B3GALT1: variants seen among roughly 807,000 people sequenced by gnomAD.
B3GALT1 encodes the protein UDP-Gal:betaGlcNAc beta 1,3-galactosyltransferase, polypeptide 1.
In B3GALT1, 10 loss-of-function variants were observed where a neutral mutation model predicts 23.2. That is an observed-to-expected ratio of 0.43 (90% CI 0.27 to 0.73). The LOEUF is 0.73. Ranked by LOEUF, B3GALT1 falls within the 30% of genes least tolerant of loss-of-function variation. The pLI, the probability that B3GALT1 is intolerant of heterozygous loss-of-function variation, is 0.21. For synonymous variants in B3GALT1, 156 were observed against 141.5 expected, an observed-to-expected ratio of 1.10 and a Z score of -0.73; for missense variants, 299 against 405.4, an observed-to-expected ratio of 0.74 and a Z score of 2.25.
chr2:167,459,879 A>C (rs1383264114), intron 1 of B3GALT1, among the ~76,000 whole-genome samples: 1 of 152,100 alleles, frequency 6.6e-6, no homozygotes, highest in Non-Finnish European at 1.5e-5. Flanking sequence ...CTTGGTTGAC[A>C]GGGTGTTTTT....
intron 1 of B3GALT1, among the ~76,000 whole-genome samples, chr2:167,444,414 A>G (rs893387242): frequency 1.3e-5 from 2 of 151,898 alleles, no homozygotes; most frequent in Admixed American, 1.3e-4. Flanking sequence ...CTTTTTTTCT[A>G]TCGATTAGAA....
chr2:167,817,176 A>G (rs899255111), intron 3 of B3GALT1, among the ~76,000 whole-genome samples: 1 of 152,222 alleles, frequency 6.6e-6, no homozygotes, highest in African/African-American at 2.4e-5. Flanking sequence ...CACTGGCTCC[A>G]CTAATCCCAG....
chr2:167,839,387 GACAA>G (rs1293333466), intron 4 of B3GALT1, among the ~76,000 whole-genome samples: 3 of 152,278 alleles, frequency 2.0e-5, no homozygotes, highest in Admixed American at 6.5e-5. Context: ...ACCAATAACA[GACAA>G]ACAGAGAGCC....
intron 3 of B3GALT1, among the ~76,000 whole-genome samples, chr2:167,779,405 G>A (rs10497329): frequency 0.13 from 20,341 of 152,122 alleles, 2,129 homozygotes; most frequent in African/African-American, 0.27. Flanking sequence ...TTTTAAGGCC[G>A]ACAGATTTCT....
At chr2:167,672,267 T>C (rs968449954) in intron 3 of B3GALT1, among the ~76,000 whole-genome samples, 3 of 152,106 alleles carry the variant, frequency 2.0e-5, no homozygotes, top group African/African-American at 7.2e-5. Context: ...CTATGAACCA[T>C]GGTGCCAGCT....
chr2:167,728,494 C>A (rs1227138141), intron 3 of B3GALT1, among the ~76,000 whole-genome samples: 4 of 152,126 alleles, frequency 2.6e-5, no homozygotes, highest in Non-Finnish European at 4.4e-5. Context: ...TATGGCTATA[C>A]CATTACAAAT....
intron 3 of B3GALT1, among the ~76,000 whole-genome samples, chr2:167,776,364 C>G (rs1688162471): frequency 6.6e-6 from 1 of 152,194 alleles, no homozygotes. Flanking sequence ...AATTCAAAGA[C>G]TCCCTACCCA....
chr2:167,450,947 G>T (rs533303102), intron 1 of B3GALT1, among the ~76,000 whole-genome samples: 1 of 151,722 alleles, frequency 6.6e-6, no homozygotes, highest in Non-Finnish European at 1.5e-5. Flanking sequence ...CTTTGTCTTT[G>T]AGCTCTGAAG....
At position 167,616,876 on chromosome 2, in the gene B3GALT1, T is replaced by C. The variant is rs1435596676; in HGVS notation, c.-409-30033T>C. 4.6e-5 allele frequency among the ~76,000 whole-genome samples: 7 copies of C among 152,208 alleles called. No individual in the cohort carries two copies. In the East Asian group the frequency reaches 1.4e-3, roughly 29 times the overall value. ...AGCTACATTTTTCTTGATAGTACTT[T>C]GAATTGATTCAGATCTCCTCTATCT... is the stretch of plus-strand genomic sequence containing the variant. On this transcript the variant is annotated intron_variant, in intron 2 of 4. Coordinates refer to ENST00000392690, the MANE Select transcript of B3GALT1 (RefSeq NM_020981.4).
chr2:167,450,632 C>T (rs996297850), intron 1 of B3GALT1, among the ~76,000 whole-genome samples: 1 of 152,146 alleles, frequency 6.6e-6, no homozygotes, highest in Non-Finnish European at 1.5e-5. Flanking sequence ...AAGATTCTTT[C>T]CTTCATCTTG....
At chr2:167,559,823 G>A (rs1221752030) in intron 2 of B3GALT1, among the ~76,000 whole-genome samples, 3 of 152,156 alleles carry the variant, frequency 2.0e-5, no homozygotes, top group East Asian at 1.9e-4. Flanking sequence ...CCAAATCTAC[G>A]TCTGATTGGT....
chr2:167,343,043 G>A (rs777842117), intron 1 of B3GALT1, among the ~76,000 whole-genome samples: 4 of 152,170 alleles, frequency 2.6e-5, no homozygotes, highest in Admixed American at 6.6e-5. Context: ...ACTGAATTGA[G>A]TGTCTGTGAA....
intron 1 of B3GALT1, among the ~76,000 whole-genome samples, chr2:167,484,068 A>G (rs1187911618): frequency 1.3e-5 from 2 of 152,206 alleles, no homozygotes; most frequent in Non-Finnish European, 2.9e-5. Context: ...TCAGATATAA[A>G]CATAAGCAAC....
intron 3 of B3GALT1, among the ~76,000 whole-genome samples, chr2:167,806,966 G>C (rs778481420): frequency 2.9e-4 from 44 of 152,138 alleles, no homozygotes; most frequent in Non-Finnish European, 5.7e-4. Context: ...TGGTTAGTAA[G>C]CTATTAATTG....
chr2:167,307,252 C>T (rs1045553084), intron 1 of B3GALT1, among the ~76,000 whole-genome samples: 1 of 151,988 alleles, frequency 6.6e-6, no homozygotes. Flanking sequence ...TATGTTTCTT[C>T]ACTGTCTCTT....
chr2:167,623,933 TG>T (rs1685301221), intron 2 of B3GALT1, among the ~76,000 whole-genome samples: 1 of 152,026 alleles, frequency 6.6e-6, no homozygotes, highest in South Asian at 2.1e-4. Context: ...CACATGGCCA[TG>T]TTTAGTCATG....
intron 2 of B3GALT1, among the ~76,000 whole-genome samples, chr2:167,585,899 T>G (rs1048590418): frequency 3.3e-5 from 5 of 152,206 alleles, no homozygotes; most frequent in African/African-American, 9.6e-5. Context: ...ATTATGCAAG[T>G]TAAGCAGGCA....
At chr2:167,832,124 C>T (rs1426059732) in intron 4 of B3GALT1, among the ~76,000 whole-genome samples, 1 of 152,186 alleles carries the variant, frequency 6.6e-6, no homozygotes, top group South Asian at 2.1e-4. Flanking sequence ...GTGGCTGACA[C>T]TAGTTTGAAT....
At position 167,560,668 on chromosome 2, in the gene B3GALT1, A is replaced by G. The variant is rs528109387; in HGVS notation, c.-410+70391A>G. On this transcript the variant is annotated intron_variant, in intron 2 of 4. Coordinates refer to ENST00000392690, the MANE Select transcript of B3GALT1 (RefSeq NM_020981.4). ...AGGGGTTGCAATCCTAGTCTCTGATAAAACAGACTTTAAACCAACAAAGAT... is the reference window on the plus strand; with the variant it reads ...AGGGGTTGCAATCCTAGTCTCTGATGAAACAGACTTTAAACCAACAAAGAT... 5.5e-4 allele frequency among the ~76,000 whole-genome samples: 84 copies of G among 151,966 alleles called. 1 individual carries two copies. The South Asian group carries it at 0.012, about 21-fold the overall frequency.
Sources: allele counts gnomAD v4.1 joint callset (sites outside exome capture counted in the v4.1 genomes callset), GRCh38; gene constraint gnomAD v4.1.1; transcripts MANE v1.5; gene names NCBI Gene and HGNC (gene_info 2026-07-23, HGNC 2026-07-21).